The following PSMD9 variants were observed in gnomAD, a reference collection of about 807,000 sequenced individuals.
PSMD9 encodes the protein 26S proteasome non-ATPase regulatory subunit 9.
Under a neutral mutation model 25.9 loss-of-function variants are expected in PSMD9, and 26 were observed. The ratio of observed to expected loss-of-function variants is 1.00; its 90% confidence interval spans 0.73 to 1.39. PSMD9 has a LOEUF of 1.39. Ranked by LOEUF, PSMD9 falls within the 40% of genes most tolerant of loss-of-function variation. The pLI, the probability that PSMD9 is intolerant of heterozygous loss-of-function variation, is 0.00. For synonymous variants in PSMD9, 110 were observed against 114.5 expected (o/e 0.96, Z 0.25); for missense variants, 303 against 299.3 (o/e 1.01, Z -0.09).
intron 4 of PSMD9, among the ~76,000 whole-genome samples, chr12:121,909,471 A>T (rs1297100525): frequency 6.7e-6 from 1 of 149,956 alleles, no homozygotes; most frequent in East Asian, 2.0e-4. Flanking sequence ...GCACCACCAC[A>T]CCTGGCTAAT....
At chr12:121,905,379 A>G (rs1879524544) in intron 4 of PSMD9, among the ~76,000 whole-genome samples, 1 of 150,422 alleles carries the variant, frequency 6.6e-6, no homozygotes, top group Non-Finnish European at 1.5e-5. Flanking sequence ...ATGTGCCACC[A>G]TGCCCAGCTA....
At chr12:121,906,426 T>C (rs1879556127) in intron 4 of PSMD9, among the ~76,000 whole-genome samples, 1 of 151,984 alleles carries the variant, frequency 6.6e-6, no homozygotes, top group South Asian at 2.1e-4. Context: ...TCCCAGCACT[T>C]TGGGAGGCTG....
At chr12:121,909,666 CAT>C (rs1445822584) in intron 4 of PSMD9, among the ~76,000 whole-genome samples, 2 of 152,104 alleles carry the variant, frequency 1.3e-5, no homozygotes, top group African/African-American at 2.4e-5. Flanking sequence ...GCCTAATGTA[CAT>C]GTTACTCTGC....
intron 2 of PSMD9, among the ~76,000 whole-genome samples, chr12:121,895,897 G>A (rs1879214904): frequency 6.6e-6 from 1 of 152,198 alleles, no homozygotes; most frequent in Admixed American, 6.5e-5. Context: ...GCCATAGGTA[G>A]GCAACCGTCT....
chr12:121,900,902 C>T (rs969419095), intron 3 of PSMD9, among the ~76,000 whole-genome samples: 4 of 150,860 alleles, frequency 2.7e-5, no homozygotes, highest in Non-Finnish European at 4.4e-5. Context: ...GGAGAATCGC[C>T]TGAACCCAGG....
chr12:121,894,828 G>C lies in PSMD9; in HGVS notation c.228G>C (p.Arg76Ser). ...DVDLYQVRTARHNIICLQNDH... is the reference protein window; with the variant it reads ...DVDLYQVRTASHNIICLQNDH... ...ACCTGTACCAAGTCCGCACCGCCAGGCACAACATCATATGTGAGTGGCCCT... is the reference window on the plus strand; with the variant it reads ...ACCTGTACCAAGTCCGCACCGCCAGCCACAACATCATATGTGAGTGGCCCT... Residue 76 changes from arginine to serine, a missense_variant, in exon 2 of 6, where the codon AGG (arginine) becomes AGC (serine). Physicochemically the swap from Arg to Ser is moderately radical, Grantham distance 110. Transcript: ENST00000541212. 6.2e-7 allele frequency: 1 copy of C among 1,613,388 alleles called. No individual in the cohort carries two copies. The highest frequency in any genetic ancestry group is 8.5e-7 in the Non-Finnish European group (1 of 1,179,702).
In PSMD9 at chr12:121,916,265, C is replaced by A. The variant is rs1426945381; in HGVS notation, c.645-19C>A. 2 of 1,613,994 alleles carry A rather than the reference C, an allele frequency of 1.2e-6. No individual in the cohort carries two copies. The highest frequency in any genetic ancestry group is 1.7e-6 in the Non-Finnish European group (2 of 1,179,972). On this transcript the variant is annotated intron_variant, in intron 5 of 5. Transcript: ENST00000541212. ...GGGAGCCTCCAAACTTACGCCATTC[C>A]TTTTCTTCTTTCTTCCAGCTGCAAC...
chr12:121,890,921 A>G (rs1202717887), intron 1 of PSMD9, among the ~76,000 whole-genome samples: 4 of 151,822 alleles, frequency 2.6e-5, no homozygotes, highest in Non-Finnish European at 4.4e-5. Context: ...GAAAGCTTTC[A>G]GCCTGAAACC....
chr12:121,903,987 A>G (rs1161331873), intron 4 of PSMD9, among the ~76,000 whole-genome samples: 1 of 152,112 alleles, frequency 6.6e-6, no homozygotes, highest in Admixed American at 6.6e-5. Context: ...TTGGTTCCCA[A>G]ATGAAGTCTC....
At chr12:121,894,944 G>A (rs1879189593) in intron 2 of PSMD9, 103 bp downstream of exon 2, 1 of 990,554 alleles carries the variant, frequency 1.0e-6, no homozygotes. Context: ...CTTCTCTTCT[G>A]CCTTGATGGG....
At chr12:121,910,676 C>T (rs528693016) in intron 4 of PSMD9, among the ~76,000 whole-genome samples, 2 of 151,594 alleles carry the variant, frequency 1.3e-5, no homozygotes, top group South Asian at 4.2e-4. Context: ...AGGAGAATTG[C>T]CTGAACCCGG....
intron 2 of PSMD9, chr12:121,899,338 G>A (rs1197291837): frequency 7.6e-6 from 3 of 394,976 alleles, no homozygotes; most frequent in Non-Finnish European, 1.4e-5. Context: ...ACCCGAGACA[G>A]CACTGCCTTC....
Position 121,903,168 on chromosome 12 carries a change from T to C in PSMD9, c.555+61T>C, listed in dbSNP as rs1263829034. The C allele has an allele frequency of 2.1e-6, 3 of 1,396,938 alleles. No individual in the cohort carries two copies. In the African/African-American group the frequency reaches 4.3e-5, roughly 20 times the overall value. 86.5% of individuals were successfully genotyped at this position (1,396,938 alleles called of 1,614,324 possible). A position where few individuals can be genotyped will look rare whatever the true frequency, so the allele number is the denominator to read the frequency against. On this transcript the variant is annotated intron_variant, in intron 4 of 5. Coordinates refer to ENST00000541212, the MANE Select transcript of PSMD9 (RefSeq NM_002813.7). ...GTTTTTCTAACAGTATGCCATAGAC[T>C]GCGTGGCTTACAAACAACAGAAGTT...
intron 4 of PSMD9, chr12:121,915,622 A>G: frequency 1.9e-6 from 1 of 527,098 alleles, no homozygotes; most frequent in East Asian, 3.1e-5. Context: ...TGTACCTTTT[A>G]AAGATCGTTG....
intron 4 of PSMD9, among the ~76,000 whole-genome samples, chr12:121,912,676 G>A (rs560856666): frequency 6.6e-6 from 1 of 152,002 alleles, no homozygotes; most frequent in South Asian, 2.1e-4. Flanking sequence ...GACCAGCCTG[G>A]GGATCATGGT....
At chr12:121,912,549 C>G (rs559023750) in intron 4 of PSMD9, among the ~76,000 whole-genome samples, 3 of 152,130 alleles carry the variant, frequency 2.0e-5, no homozygotes, top group East Asian at 3.9e-4. Context: ...GCTTTTTGAT[C>G]ATTTGTATAT....
At chr12:121,901,457 T>C (rs1397561615) in intron 3 of PSMD9, among the ~76,000 whole-genome samples, 1 of 152,044 alleles carries the variant, frequency 6.6e-6, no homozygotes, top group African/African-American at 2.4e-5. Flanking sequence ...CAAGTGATCC[T>C]CCTGTCTCAG....
At chr12:121,896,859 G>GA (rs1032464776) in intron 2 of PSMD9, among the ~76,000 whole-genome samples, 127 of 145,256 alleles carry the variant, frequency 8.7e-4, no homozygotes, top group African/African-American at 3.2e-3. Flanking sequence ...AAAAAGAAAA[G>GA]AAAAAAAAAT....
In PSMD9 at chr12:121,917,699, C is replaced by T. The variant is rs191573913; in HGVS notation, c.*1388C>T. The T allele has an allele frequency of 6.6e-6, 1 of 152,214 alleles. No homozygotes were observed. The highest frequency in any genetic ancestry group is 2.4e-5 in the African/African-American group (1 of 41,452). 9.4% of individuals were successfully genotyped at this position (152,214 alleles called of 1,614,324 possible). ...CCAAAGCCTTCCTATTGGGCGAATT[C>T]CCTCAAACTCTATTTGACCTGACAG... On this transcript the variant is annotated 3_prime_UTR_variant, in exon 6 of 6. Transcript: ENST00000541212.
Sources: allele counts gnomAD v4.1 joint callset (sites outside exome capture counted in the v4.1 genomes callset), GRCh38; gene constraint gnomAD v4.1.1; transcripts MANE v1.5; gene names NCBI Gene and HGNC (gene_info 2026-07-23, HGNC 2026-07-21).